PHKB: variants seen among roughly 807,000 people sequenced by gnomAD.
PHKB encodes phosphorylase b kinase regulatory subunit beta.
A neutral mutation model predicts 152.1 loss-of-function variants in PHKB; 122 were observed. The observed-to-expected ratio is 0.80, with a 90% confidence interval of 0.69 to 0.93. The LOEUF is 0.93. Ranked by LOEUF, PHKB falls within the 40% of genes least tolerant of loss-of-function variation. PHKB has a pLI of 0.00. For missense variants in PHKB, 1,304 were observed against 1,328.4 expected, an observed-to-expected ratio of 0.98 and a Z score of 0.29; for synonymous variants, 436 against 464.9, an observed-to-expected ratio of 0.94 and a Z score of 0.80.
intron 1 of PHKB, among the ~76,000 whole-genome samples, chr16:47,478,997 T>A (rs868038904): frequency 6.6e-6 from 1 of 152,224 alleles, no homozygotes; most frequent in Admixed American, 6.5e-5. Context: ...GGTTTTATGC[T>A]TAACAAGCTC....
chr16:47,694,803 A>G (rs964841902), intron 28 of PHKB, among the ~76,000 whole-genome samples: 2 of 152,148 alleles, frequency 1.3e-5, no homozygotes, highest in Non-Finnish European at 2.9e-5. Flanking sequence ...GCACGCTCAC[A>G]ACCACTTGTT....
chr16:47,606,920 A>G (rs757720768), intron 13 of PHKB, among the ~76,000 whole-genome samples: 4 of 152,136 alleles, frequency 2.6e-5, no homozygotes, highest in Non-Finnish European at 5.9e-5. Context: ...ATTTTATCAA[A>G]AGTTGCCATA....
At position 47,650,606 on chromosome 16, in the gene PHKB, C is replaced by A; in HGVS notation, c.1860C>A (p.Leu620=). 6.2e-7 allele frequency: 1 copy of A among 1,608,098 alleles called. No homozygotes were observed. Among genetic ancestry groups the A allele is most frequent in the South Asian group, 1.1e-5 (1 of 90,934 alleles). The change falls in exon 19 of 31, where the codon CTC becomes CTA. Residue 620 remains leucine (L), a synonymous_variant. Transcript: ENST00000323584. ...KMHGRPLFLV[L]IREDNIRGSR... ...ATGGACGTCCACTTTTCCTTGTTCT[C>A]ATCCGGGAAGACAATATAAGGTAGG...
At chr16:47,587,129 C>T (rs559931490) in intron 8 of PHKB, among the ~76,000 whole-genome samples, 7 of 152,064 alleles carry the variant, frequency 4.6e-5, no homozygotes, top group Non-Finnish European at 1.0e-4. Context: ...TGAGACAATC[C>T]ATGTGACACA....
At chr16:47,620,224 GA>G (rs1167596720) in intron 14 of PHKB, among the ~76,000 whole-genome samples, 1 of 151,986 alleles carries the variant, frequency 6.6e-6, no homozygotes, top group Non-Finnish European at 1.5e-5. Context: ...AAGAATTATA[GA>G]AAAAAATATT....
At chr16:47,679,182 T>C (rs1485151419) in intron 26 of PHKB, among the ~76,000 whole-genome samples, 1 of 152,170 alleles carries the variant, frequency 6.6e-6, no homozygotes, top group African/African-American at 2.4e-5. Flanking sequence ...GGCCTTGTAG[T>C]ATAGTTTGAA....
chr16:47,463,936 G>C (rs1969620783), intron 1 of PHKB: 1 of 1,613,994 alleles, frequency 6.2e-7, no homozygotes, highest in Non-Finnish European at 8.5e-7. Flanking sequence ...CCAACAATTT[G>C]AAATGGCCTG....
intron 1 of PHKB, among the ~76,000 whole-genome samples, chr16:47,477,898 C>A (rs554207964): frequency 3.3e-5 from 5 of 152,134 alleles, no homozygotes; most frequent in African/African-American, 7.2e-5. Flanking sequence ...ATTTAATAGG[C>A]CTTGTGTGTC....
chr16:47,655,526 CAA>C (rs1159064638), intron 20 of PHKB, among the ~76,000 whole-genome samples: 1 of 152,126 alleles, frequency 6.6e-6, no homozygotes, highest in Non-Finnish European at 1.5e-5. Context: ...AGACAAATTA[CAA>C]AGACAGTGCA....
At chr16:47,563,306 G>T (rs558790422) in intron 7 of PHKB, among the ~76,000 whole-genome samples, 19 of 151,402 alleles carry the variant, frequency 1.3e-4, no homozygotes, top group Non-Finnish European at 2.2e-4. Flanking sequence ...ATCTATGGCA[G>T]CTGTTGCCTT....
intron 7 of PHKB, among the ~76,000 whole-genome samples, chr16:47,556,162 T>G (rs1335869785): frequency 6.6e-6 from 1 of 152,176 alleles, no homozygotes; most frequent in Non-Finnish European, 1.5e-5. Context: ...CAGCTTGAGA[T>G]TTTGGGCTGA....
chr16:47,554,163 A>G (rs1971323860), intron 7 of PHKB, among the ~76,000 whole-genome samples: 1 of 152,062 alleles, frequency 6.6e-6, no homozygotes. Flanking sequence ...TGGAAGTTTT[A>G]TGTATAAGCC....
Position 47,552,603 on chromosome 16 carries a change from G to T in PHKB, c.710+5055G>T, listed in dbSNP as rs140643124. 3.9e-4 allele frequency among the ~76,000 whole-genome samples: 60 copies of T among 152,246 alleles called. 1 individual carries two copies. In the East Asian group the frequency reaches 0.011, roughly 28 times the overall value. The stretch of plus-strand genomic sequence containing the variant: ...AGTCAGGTGGATCACAAGGTCAGGA[G>T]TTCGAGACCAGCCTGGCCAAGATGG... On this transcript the variant is annotated intron_variant, in intron 7 of 30. Transcript: ENST00000323584.
At chr16:47,512,343 G>A (rs1449076686) in intron 5 of PHKB, among the ~76,000 whole-genome samples, 1 of 152,156 alleles carries the variant, frequency 6.6e-6, no homozygotes, top group East Asian at 1.9e-4. Flanking sequence ...AGCAAAAAGG[G>A]TAAATGGATA....
At chr16:47,461,576 T>C (rs1192992981) in intron 1 of PHKB, 150 bp downstream of exon 1, 9 of 775,284 alleles carry the variant, frequency 1.2e-5, no homozygotes, top group Middle Eastern at 3.6e-4. Context: ...TGGCCTTGTT[T>C]CTAATATCTT....
intron 7 of PHKB, among the ~76,000 whole-genome samples, chr16:47,552,469 A>G (rs111345827): frequency 1.8e-3 from 271 of 152,282 alleles, no homozygotes; most frequent in African/African-American, 6.2e-3. Flanking sequence ...TCCTTTGCTT[A>G]TGAAGCTTAG....
chr16:47,532,350 T>C (rs1344443873), intron 6 of PHKB, among the ~76,000 whole-genome samples: 3 of 152,204 alleles, frequency 2.0e-5, no homozygotes, highest in East Asian at 1.9e-4. Context: ...CCTAGTGTTA[T>C]GGTGTTATGG....
At chr16:47,539,443 A>G (rs1386147046) in intron 6 of PHKB, among the ~76,000 whole-genome samples, 1 of 152,146 alleles carries the variant, frequency 6.6e-6, no homozygotes, top group East Asian at 1.9e-4. Context: ...TATATCTAGT[A>G]TAAAAACAAT....
chr16:47,651,015 G>T, intron 20 of PHKB, 94 bp downstream of exon 20: 2 of 925,078 alleles, frequency 2.2e-6, no homozygotes, highest in South Asian at 2.7e-5. Flanking sequence ...TAAGGTTTTT[G>T]ACTTAAGGTT....
Sources: gnomAD v4.1 joint callset for allele counts (sites outside exome capture counted in the v4.1 genomes callset) on GRCh38, gnomAD v4.1.1 for gene constraint, MANE v1.5 for transcripts, NCBI Gene and HGNC (gene_info 2026-07-23, HGNC 2026-07-21) for gene names.